MYCT1: variants seen among roughly 807,000 people sequenced by gnomAD.
The protein encoded by MYCT1 is MYC target 1.
In MYCT1, 12 loss-of-function variants were observed where a neutral mutation model predicts 15.0. The observed-to-expected ratio is 0.80, with a 90% CI of 0.51 to 1.29. The LOEUF (loss-of-function observed/expected upper bound fraction) is 1.29, where lower values mean the gene tolerates loss of function less well. Ranked by LOEUF, MYCT1 falls within the 50% of genes most tolerant of loss-of-function variation. The pLI is 0.00. For synonymous variants in MYCT1, 104 were observed against 102.7 expected (o/e 1.01, Z -0.07); for missense variants, 287 against 279.1 (o/e 1.03, Z -0.20).
chr6:152,721,029 T>C (rs148779022), intron 1 of MYCT1, among the ~76,000 whole-genome samples: 9 of 152,292 alleles, frequency 5.9e-5, no homozygotes, highest in Middle Eastern at 3.4e-3. Context: ...CGAGGCTCTA[T>C]GGAGGTTCAG....
downstream of MYCT1, among the ~76,000 whole-genome samples, chr6:152,727,159 C>T (rs1382384702): frequency 6.7e-6 from 1 of 149,360 alleles, no homozygotes; most frequent in Non-Finnish European, 1.5e-5. Context: ...TGCCGTGAGC[C>T]GAGATCGCAC....
the MYCT1 span, among the ~76,000 whole-genome samples, chr6:152,733,066 T>C: frequency 3.9e-5 from 6 of 152,262 alleles, no homozygotes; most frequent in Admixed American, 3.9e-4. Flanking sequence ...TTTATTTGTT[T>C]TTTATTTTGT....
chr6:152,700,315 A>G (rs2099721102), intron 1 of MYCT1, among the ~76,000 whole-genome samples: 1 of 152,062 alleles, frequency 6.6e-6, no homozygotes, highest in Non-Finnish European at 1.5e-5. Context: ...TGGCACATTG[A>G]ATTTGGAAAA....
At chr6:152,741,223 C>T in the MYCT1 span, among the ~76,000 whole-genome samples, 13 of 152,262 alleles carry the variant, frequency 8.5e-5, no homozygotes, top group South Asian at 1.9e-3. Context: ...ATAGAACCCC[C>T]TTTGCTTTTG....
At chr6:152,725,057 G>A (rs983592900), downstream of MYCT1, among the ~76,000 whole-genome samples, 2 of 151,782 alleles carry the variant, frequency 1.3e-5, no homozygotes, top group Non-Finnish European at 2.9e-5. Context: ...TAGGAAAGGG[G>A]TACTTTTTAA....
chr6:152,743,054 T>G, the MYCT1 span, among the ~76,000 whole-genome samples: 3 of 151,846 alleles, frequency 2.0e-5, no homozygotes, highest in Non-Finnish European at 4.4e-5. Flanking sequence ...TATTTTGTAG[T>G]TGTTGTTGTT....
chr6:152,716,163 C>T (rs1361437), intron 1 of MYCT1, among the ~76,000 whole-genome samples: 50,166 of 151,898 alleles, frequency 0.33, 8,383 homozygotes, highest in South Asian at 0.42. Flanking sequence ...AAGTTGAATT[C>T]TGGATTTCTT....
At chr6:152,706,001 T>G (rs1583966115) in intron 1 of MYCT1, 3 of 839,476 alleles carry the variant, frequency 3.6e-6, no homozygotes, top group Non-Finnish European at 6.3e-6. Flanking sequence ...TATCGGATGC[T>G]GCTGGTGTGG....
At position 152,722,981 on chromosome 6, in the gene MYCT1, A is replaced by T. The variant is rs2099724974; in HGVS notation, c.*728A>T. The T allele has an allele frequency of 6.3e-6, 1 of 158,264 alleles. No homozygotes were observed. Among genetic ancestry groups the T allele is most frequent in the Non-Finnish European group, 1.4e-5 (1 of 71,718 alleles). The allele number at this position is 158,264 out of a possible 1,614,324, so 9.8% of individuals were successfully genotyped here. On this transcript the variant is annotated 3_prime_UTR_variant, in exon 2 of 2. Coordinates refer to ENST00000367245, the MANE Select transcript of MYCT1 (RefSeq NM_025107.3). ...GGTCTCAAACTCCTAAACTCAGATGATCCTCCTGCCTCGGCCTCCCAAAGT... is the reference window on the plus strand; with the variant it reads ...GGTCTCAAACTCCTAAACTCAGATGTTCCTCCTGCCTCGGCCTCCCAAAGT...
At chr6:152,704,470 A>C (rs1412818981) in intron 1 of MYCT1, among the ~76,000 whole-genome samples, 3 of 152,128 alleles carry the variant, frequency 2.0e-5, no homozygotes, top group Non-Finnish European at 2.9e-5. Flanking sequence ...TTTTTAAACA[A>C]TTTTTATCAC....
At chr6:152,742,621 C>G in the MYCT1 span, among the ~76,000 whole-genome samples, 1 of 152,128 alleles carries the variant, frequency 6.6e-6, no homozygotes, top group East Asian at 1.9e-4. Context: ...AAGGTTGTAA[C>G]TAGTGGAACC....
Position 152,722,515 on chromosome 6 carries a change from A to G in MYCT1, c.*262A>G, listed in dbSNP as rs1269208040. On this transcript the variant is annotated 3_prime_UTR_variant, in exon 2 of 2. Transcript: ENST00000367245. ...GTATTCAATGTGAGGCTTATTAAAA[A>G]TAGTGATTCTAATGTAAGAATCAGC... is the stretch of plus-strand genomic sequence containing the variant. 5.4e-6 allele frequency: 2 copies of G among 369,398 alleles called. No individual in the cohort carries two copies. The highest frequency in any genetic ancestry group is 4.2e-5 in the African/African-American group (2 of 47,802). 22.9% of individuals were successfully genotyped at this position (369,398 alleles called of 1,614,324 possible).
At chr6:152,705,294 A>C (rs1291750086) in intron 1 of MYCT1, among the ~76,000 whole-genome samples, 2 of 152,222 alleles carry the variant, frequency 1.3e-5, no homozygotes, top group Non-Finnish European at 2.9e-5. Context: ...TTTATTAAAA[A>C]ATGTTAAATA....
At chr6:152,730,591 T>C in the MYCT1 span, among the ~76,000 whole-genome samples, 4 of 152,222 alleles carry the variant, frequency 2.6e-5, no homozygotes, top group Non-Finnish European at 5.9e-5. Context: ...TTACTCTTGT[T>C]AATTGGATTT....
rs1046972915 is a variant in MYCT1 at position 152,723,963 on chromosome 6, A to G, written c.*1710A>G. The G allele has an allele frequency of 2.0e-5, 3 of 152,192 alleles. No homozygotes were observed. The highest frequency in any genetic ancestry group is 7.2e-5 in the African/African-American group (3 of 41,440). 9.4% of individuals were successfully genotyped at this position (152,192 alleles called of 1,614,324 possible). A position where few individuals can be genotyped will look rare whatever the true frequency, so the allele number is the denominator to read the frequency against. On this transcript the variant is annotated 3_prime_UTR_variant, in exon 2 of 2. Coordinates refer to ENST00000367245, the MANE Select transcript of MYCT1 (RefSeq NM_025107.3). ...TCTGAACATGGTTCAAGAATAAGAG[A>G]TTCCATGTAGCATTTTCTTTATTAT...
chr6:152,739,361 G>A, the MYCT1 span, among the ~76,000 whole-genome samples: 1 of 151,306 alleles, frequency 6.6e-6, no homozygotes, highest in Non-Finnish European at 1.5e-5. Flanking sequence ...TTTGCTGTAG[G>A]ATTATTTTTA....
chr6:152,738,682 G>A, the MYCT1 span, among the ~76,000 whole-genome samples: 313 of 152,070 alleles, frequency 2.1e-3, 1 homozygote, highest in South Asian at 5.0e-3. Context: ...AGTTTACAGC[G>A]TTTCCCAGCA....
chr6:152,702,422 TGTGAAG>T (rs1428774692), intron 1 of MYCT1, among the ~76,000 whole-genome samples: 2 of 152,228 alleles, frequency 1.3e-5, no homozygotes, highest in Non-Finnish European at 2.9e-5. Flanking sequence ...GTAATTTAAA[TGTGAAG>T]TATTGACTTT....
At chr6:152,742,142 G>T in the MYCT1 span, among the ~76,000 whole-genome samples, 1 of 152,148 alleles carries the variant, frequency 6.6e-6, no homozygotes, top group Non-Finnish European at 1.5e-5. Flanking sequence ...AAATGTCATT[G>T]TATGTCACTG....
Sources: gnomAD v4.1 joint callset for allele counts (sites outside exome capture counted in the v4.1 genomes callset) on GRCh38, gnomAD v4.1.1 for gene constraint, MANE v1.5 for transcripts, NCBI Gene and HGNC (gene_info 2026-07-23, HGNC 2026-07-21) for gene names.